Variants in FNDC3A observed in about 807,000 individuals in gnomAD.
FNDC3A encodes the protein fibronectin type-III domain-containing protein 3A.
FNDC3A carries 32 observed loss-of-function variants against 148.9 expected under a neutral mutation model. The observed-to-expected ratio is 0.21, with a 90% confidence interval of 0.16 to 0.29. The LOEUF (loss-of-function observed/expected upper bound fraction) is 0.29, where lower values mean the gene tolerates loss of function less well. FNDC3A is among the 10% of genes least tolerant of loss of function. The pLI is 1.00. For synonymous variants in FNDC3A, 472 were observed against 473.6 expected, an observed-to-expected ratio of 1.00 and a Z score of 0.04; for missense variants, 1,191 against 1,452.8, an observed-to-expected ratio of 0.82 and a Z score of 2.93.
At chr13:49,198,986 A>G (rs1183488774) in intron 23 of FNDC3A, among the ~76,000 whole-genome samples, 1 of 152,190 alleles carries the variant, frequency 6.6e-6, no homozygotes, top group Non-Finnish European at 1.5e-5. Flanking sequence ...AATCTTAGAT[A>G]CAAAATAAAC....
chr13:49,047,075 T>G (rs1416762082), intron 2 of FNDC3A, among the ~76,000 whole-genome samples: 2 of 151,972 alleles, frequency 1.3e-5, no homozygotes, highest in Non-Finnish European at 2.9e-5. Context: ...ATATGTTTGC[T>G]TTTCCATTCC....
chr13:48,998,061 G>C (rs989521119), intron 1 of FNDC3A, among the ~76,000 whole-genome samples: 2 of 152,100 alleles, frequency 1.3e-5, no homozygotes, highest in African/African-American at 4.8e-5. Flanking sequence ...ATGGGTGATA[G>C]GCCATTCTGA....
chr13:49,119,476 A>G (rs1052968569), intron 4 of FNDC3A, among the ~76,000 whole-genome samples: 4 of 152,078 alleles, frequency 2.6e-5, no homozygotes, highest in Non-Finnish European at 4.4e-5. Context: ...ACAAATCTGG[A>G]CGGAGAATGA....
At chr13:49,029,628 G>T (rs1566201722) in intron 2 of FNDC3A, among the ~76,000 whole-genome samples, 3 of 152,142 alleles carry the variant, frequency 2.0e-5, no homozygotes, top group African/African-American at 4.8e-5. Context: ...CCAAAAGTTG[G>T]CTCTTTGAAA....
chr13:49,186,111 T>C lies in FNDC3A; in HGVS notation c.1756+9T>C, dbSNP rs768542533. The C allele has an allele frequency of 1.9e-6, 3 of 1,585,068 alleles. No homozygotes were observed. The highest frequency in any genetic ancestry group is 3.4e-5 in the Admixed American group (2 of 58,920). On this transcript the variant is annotated intron_variant, in intron 15 of 25. Coordinates refer to ENST00000492622, the MANE Select transcript of FNDC3A (RefSeq NM_001079673.2). ...TTTTAAAATAACCTGGGGTAAGATA[T>C]TATGCATGTTTATACATTATTACTT...
chr13:49,042,090 G>A (rs1244850846), intron 2 of FNDC3A, among the ~76,000 whole-genome samples: 1 of 152,088 alleles, frequency 6.6e-6, no homozygotes, highest in Non-Finnish European at 1.5e-5. Context: ...TGAGATATGG[G>A]AGTAAAAAGG....
chr13:49,108,052 TGAAA>T (rs1352765806), intron 3 of FNDC3A, among the ~76,000 whole-genome samples: 1 of 151,786 alleles, frequency 6.6e-6, no homozygotes, highest in African/African-American at 2.4e-5. Flanking sequence ...ACTGGAGAGA[TGAAA>T]GAAAGATATG....
chr13:49,159,634 G>A (rs2138016898), intron 8 of FNDC3A, among the ~76,000 whole-genome samples: 1 of 152,228 alleles, frequency 6.6e-6, no homozygotes, highest in Admixed American at 6.5e-5. Context: ...TGATTGCCCT[G>A]GCCAGAACTT....
At chr13:49,028,214 T>TA (rs534780707) in intron 2 of FNDC3A, among the ~76,000 whole-genome samples, 2,903 of 145,290 alleles carry the variant, frequency 0.02, 36 homozygotes, top group Non-Finnish European at 0.022. Context: ...GACTCTGTCT[T>TA]AAAAAAAAAA....
intron 2 of FNDC3A, among the ~76,000 whole-genome samples, chr13:49,058,607 G>T (rs562335971): frequency 6.6e-6 from 1 of 152,124 alleles, no homozygotes; most frequent in Non-Finnish European, 1.5e-5. Context: ...GCGGTCTTCC[G>T]TAAGCCAAAC....
At chr13:49,032,658 C>A (rs1273639881) in intron 2 of FNDC3A, among the ~76,000 whole-genome samples, 1 of 152,084 alleles carries the variant, frequency 6.6e-6, no homozygotes, top group African/African-American at 2.4e-5. Context: ...ATGGCGTGAA[C>A]CCGGGAGGCG....
intron 2 of FNDC3A, among the ~76,000 whole-genome samples, chr13:49,012,620 G>T (rs1952374574): frequency 1.3e-5 from 2 of 152,066 alleles, no homozygotes. Context: ...TCTATAGATT[G>T]ATTGAGGGAA....
rs1874328580 is a variant in FNDC3A at position 49,034,148 on chromosome 13, G to C, written c.99+27859G>C. Among the ~76,000 whole-genome samples the C allele has an allele frequency of 2.0e-5, 3 of 151,922 alleles. No individual in the cohort carries two copies. The South Asian group carries it at 6.2e-4, about 32-fold the overall frequency. Reference sequence around the variant, plus strand: ...AGTATATTTAGAGTTTTTATAATTTGAATATAGAATTTCAGAGTTTATGAA... The same window carrying C: ...AGTATATTTAGAGTTTTTATAATTTCAATATAGAATTTCAGAGTTTATGAA... On this transcript the variant is annotated intron_variant, in intron 2 of 25. Coordinates refer to ENST00000492622, the MANE Select transcript of FNDC3A (RefSeq NM_001079673.2).
chr13:49,023,971 C>A (rs1286351736), intron 2 of FNDC3A, among the ~76,000 whole-genome samples: 1 of 151,550 alleles, frequency 6.6e-6, no homozygotes, highest in Non-Finnish European at 1.5e-5. Context: ...AAAAGATTAA[C>A]AAAATTGACT....
chr13:49,039,042 C>A (rs1197897396), intron 2 of FNDC3A, among the ~76,000 whole-genome samples: 1 of 152,096 alleles, frequency 6.6e-6, no homozygotes, highest in Non-Finnish European at 1.5e-5. Flanking sequence ...TGGTGCACAT[C>A]TTCTCATCTG....
chr13:49,128,925 A>T (rs1465264228), intron 4 of FNDC3A, among the ~76,000 whole-genome samples: 1 of 152,148 alleles, frequency 6.6e-6, no homozygotes, highest in African/African-American at 2.4e-5. Flanking sequence ...AGTAAGGCCT[A>T]CTCTGATCCC....
chr13:49,008,697 C>T (rs1427400819), intron 2 of FNDC3A, among the ~76,000 whole-genome samples: 1 of 152,134 alleles, frequency 6.6e-6, no homozygotes, highest in African/African-American at 2.4e-5. Flanking sequence ...GCTTGTGAAT[C>T]ATAATAGAGG....
In FNDC3A at chr13:48,986,385, GTTTTTTTTTT is replaced by G. The variant is rs869031197; in HGVS notation, c.-40+10227_-40+10236del. ...AAGACAGAGTAAGGAGAAGGAAGTT[GTTTTTTTTTT>G]TTTTTTTTTTTTTTTTTTGAGGCGG... On this transcript the variant is annotated intron_variant, in intron 1 of 25. Coordinates refer to ENST00000492622, the MANE Select transcript of FNDC3A (RefSeq NM_001079673.2). Among the ~76,000 whole-genome samples the G allele has an allele frequency of 7.9e-4, 43 of 54,420 alleles. No individual in the cohort carries two copies. The East Asian group carries it at 8.8e-3, about 11-fold the overall frequency. 35.7% of individuals were successfully genotyped at this position (54,420 alleles called of 152,430 possible).
At chr13:49,098,554 G>A (rs1490258561) in intron 3 of FNDC3A, among the ~76,000 whole-genome samples, 1 of 152,078 alleles carries the variant, frequency 6.6e-6, no homozygotes, top group African/African-American at 2.4e-5. Flanking sequence ...CTAAACAAGT[G>A]CACTAAAAAT....
Sources: allele counts gnomAD v4.1 joint callset (sites outside exome capture counted in the v4.1 genomes callset), GRCh38; gene constraint gnomAD v4.1.1; transcripts MANE v1.5; gene names NCBI Gene and HGNC (gene_info 2026-07-23, HGNC 2026-07-21).